Variants in ANO2 observed in about 807,000 individuals in gnomAD.
ANO2 encodes anoctamin 2, also known as anoctamin-2.
ANO2 carries 101 observed loss-of-function variants against 124.2 expected under a neutral mutation model. The ratio of observed to expected loss-of-function variants is 0.81; its 90% CI spans 0.69 to 0.96. ANO2 has a LOEUF of 0.96. Ranked by LOEUF, ANO2 falls within the 40% of genes least tolerant of loss-of-function variation. The pLI, the probability that ANO2 is intolerant of heterozygous loss-of-function variation, is 0.00. For missense variants in ANO2, 1,293 were observed against 1,274.5 expected, an observed-to-expected ratio of 1.01 and a Z score of -0.22; for synonymous variants, 486 against 482.5, an observed-to-expected ratio of 1.01 and a Z score of -0.09.
chr12:5,895,103 T>C (rs1430854897), intron 3 of ANO2, among the ~76,000 whole-genome samples: 1 of 152,238 alleles, frequency 6.6e-6, no homozygotes, highest in African/African-American at 2.4e-5. Flanking sequence ...TTTCATGATA[T>C]TGATTCTACC....
chr12:5,827,661 C>A, intron 7 of ANO2, 108 bp downstream of exon 7: 1 of 1,284,144 alleles, frequency 7.8e-7, no homozygotes, highest in Non-Finnish European at 1.1e-6. Context: ...CCGTGGGGGG[C>A]ATTTGCTTGT....
At chr12:5,660,884 C>A (rs943423179) in intron 14 of ANO2, among the ~76,000 whole-genome samples, 1 of 152,114 alleles carries the variant, frequency 6.6e-6, no homozygotes, top group African/African-American at 2.4e-5. Flanking sequence ...ATAGGAAGAA[C>A]CCCACAAAGC....
chr12:5,623,295 C>T (rs575544767), intron 16 of ANO2, among the ~76,000 whole-genome samples: 32 of 152,168 alleles, frequency 2.1e-4, no homozygotes, highest in African/African-American at 7.0e-4. Context: ...TCACGTGCCC[C>T]CTAACATAGC....
intron 14 of ANO2, among the ~76,000 whole-genome samples, chr12:5,731,877 A>G (rs1162507348): frequency 2.0e-5 from 3 of 152,158 alleles, no homozygotes; most frequent in Non-Finnish European, 4.4e-5. Context: ...AAATACAGGC[A>G]TGTATTTGCC....
At chr12:5,945,099 C>A in intron 1 of ANO2, 97 bp downstream of exon 1, 1 of 1,178,698 alleles carries the variant, frequency 8.5e-7, no homozygotes, top group Non-Finnish European at 1.1e-6. Context: ...TTGGGGGTCC[C>A]CAATCCCGAA....
chr12:5,761,476 A>G (rs1951744397), intron 10 of ANO2, among the ~76,000 whole-genome samples: 1 of 152,160 alleles, frequency 6.6e-6, no homozygotes, highest in Admixed American at 6.5e-5. Context: ...AACTTATCCC[A>G]TGTGCAAAAA....
chr12:5,821,737 T>C (rs1953806453), intron 7 of ANO2, among the ~76,000 whole-genome samples: 1 of 152,232 alleles, frequency 6.6e-6, no homozygotes. Context: ...CCATGGCACC[T>C]GAACTGCCTA....
intron 23 of ANO2, among the ~76,000 whole-genome samples, chr12:5,575,525 C>T (rs745444216): frequency 1.3e-5 from 2 of 152,116 alleles, no homozygotes; most frequent in African/African-American, 2.4e-5. Context: ...ATATAGCCTA[C>T]GTCACACCTA....
chr12:5,759,869 C>T (rs577001292), intron 10 of ANO2, among the ~76,000 whole-genome samples: 4 of 151,604 alleles, frequency 2.6e-5, no homozygotes, highest in Middle Eastern at 3.4e-3. Flanking sequence ...GGAGTAAAAG[C>T]CAAGAGAATT....
chr12:5,839,589 A>C (rs1396818836), intron 4 of ANO2: 3 of 455,944 alleles, frequency 6.6e-6, no homozygotes, highest in Non-Finnish European at 1.3e-5. Context: ...TGGCACAAGC[A>C]TCTCTGGGTA....
intron 3 of ANO2, among the ~76,000 whole-genome samples, chr12:5,890,762 G>T (rs905279703): frequency 2.0e-5 from 3 of 152,222 alleles, no homozygotes; most frequent in Non-Finnish European, 4.4e-5. Flanking sequence ...TAAATATCTT[G>T]CATGGCCTTC....
At chr12:5,797,118 C>T (rs1952886189) in intron 10 of ANO2, among the ~76,000 whole-genome samples, 1 of 152,182 alleles carries the variant, frequency 6.6e-6, no homozygotes, top group Non-Finnish European at 1.5e-5. Context: ...AACTTCTCCG[C>T]GAGGCACACG....
rs963860086 is a variant in ANO2 at position 5,751,072 on chromosome 12, C to A, written c.1056-102G>T. The A allele has an allele frequency of 4.8e-5, 57 of 1,190,850 alleles. 1 individual carries two copies. The South Asian group carries it at 5.3e-4, about 11-fold the overall frequency. 73.8% of individuals were successfully genotyped at this position (1,190,850 alleles called of 1,614,324 possible). The stretch of plus-strand genomic sequence containing the variant: ...CTAAGGGTGGGTCAACATAGATATT[C>A]ATTCCTCTTGTGACGAAAACAAAGG... On this transcript the variant is annotated intron_variant, in intron 10 of 24. Coordinates refer to ENST00000682330, the MANE Select transcript of ANO2 (RefSeq NM_001364791.2).
At chr12:5,724,390 C>G (rs1015540967) in intron 14 of ANO2, among the ~76,000 whole-genome samples, 2 of 152,256 alleles carry the variant, frequency 1.3e-5, no homozygotes, top group Admixed American at 1.3e-4. Flanking sequence ...GATAAACCAC[C>G]CGAAGCCTGC....
At chr12:5,863,536 T>A (rs1368306210) in intron 3 of ANO2, among the ~76,000 whole-genome samples, 1 of 152,320 alleles carries the variant, frequency 6.6e-6, no homozygotes, top group East Asian at 1.9e-4. Context: ...TAATAATTAA[T>A]AATAATACCA....
At chr12:5,590,908 C>G (rs545520846) in intron 20 of ANO2, among the ~76,000 whole-genome samples, 1 of 152,144 alleles carries the variant, frequency 6.6e-6, no homozygotes. Flanking sequence ...AACTAGCGGC[C>G]GAGCGTGGTG....
intron 7 of ANO2, among the ~76,000 whole-genome samples, chr12:5,812,665 G>T (rs1198544043): frequency 6.7e-6 from 1 of 148,380 alleles, no homozygotes; most frequent in East Asian, 2.0e-4. Context: ...AGGAAGAGAG[G>T]GAGGGAAGGC....
intron 1 of ANO2, among the ~76,000 whole-genome samples, chr12:5,941,668 TAA>T (rs58071581): frequency 6.9e-6 from 1 of 145,900 alleles, no homozygotes; most frequent in African/African-American, 2.5e-5. Context: ...AAACTCAAGT[TAA>T]AAAAAAAAAG....
At chr12:5,931,561 A>C (rs1565791946) in intron 1 of ANO2, among the ~76,000 whole-genome samples, 1 of 142,328 alleles carries the variant, frequency 7.0e-6, no homozygotes, top group Non-Finnish European at 1.5e-5. Context: ...GTGACTAATA[A>C]GGAAAGAAGG....
Sources: gnomAD v4.1 joint callset for allele counts (sites outside exome capture counted in the v4.1 genomes callset) on GRCh38, gnomAD v4.1.1 for gene constraint, MANE v1.5 for transcripts, NCBI Gene and HGNC (gene_info 2026-07-23, HGNC 2026-07-21) for gene names.